Variants in SLC13A5 observed in about 807,000 individuals in gnomAD.
SLC13A5 encodes the protein solute carrier family 13 member 5.
A neutral mutation model predicts 56.5 loss-of-function variants in SLC13A5; 25 were observed. That is an observed-to-expected ratio of 0.44 (90% CI 0.32 to 0.62). SLC13A5 has a LOEUF of 0.62. Ranked by LOEUF, SLC13A5 falls within the 20% of genes least tolerant of loss-of-function variation. The pLI is 0.04. For synonymous variants in SLC13A5, 307 were observed against 301.5 expected (o/e 1.02, Z -0.19); for missense variants, 649 against 737.8 (o/e 0.88, Z 1.39).
intron 1 of SLC13A5, among the ~76,000 whole-genome samples, chr17:6,707,435 C>G (rs988668033): frequency 6.6e-6 from 1 of 151,846 alleles, no homozygotes; most frequent in Non-Finnish European, 1.5e-5. Flanking sequence ...TCTTCTCAAA[C>G]CTTGGATTAG....
rs74913999 is a variant in SLC13A5, at chr17:6,693,291, A to G, written c.1157-129T>C. 7.1e-4 allele frequency: 442 copies of G among 622,268 alleles called. 1 individual carries two copies. The African/African-American group carries it at 7.3e-3, about 10-fold the overall frequency. The allele number at this position is 622,268 out of a possible 1,614,324, so 38.5% of individuals were successfully genotyped here. On this transcript the variant is annotated intron_variant, in intron 8 of 11. Coordinates refer to ENST00000433363, the MANE Select transcript of SLC13A5 (RefSeq NM_177550.5). ...AGGGGGAATAAAGCTAATAAGGACA[A>G]TGAGGTACCATCTCCTACTTATAAA...
intron 6 of SLC13A5, among the ~76,000 whole-genome samples, chr17:6,698,845 C>T (rs547509282): frequency 1.3e-5 from 2 of 152,134 alleles, no homozygotes; most frequent in East Asian, 3.9e-4. Context: ...CAAGACCAGC[C>T]TGGCCAACAT....
At position 6,701,716 on chromosome 17, in the gene SLC13A5, A is replaced by G. The variant is rs1000451205; in HGVS notation, c.717-590T>C. On this transcript the variant is annotated intron_variant, in intron 5 of 11. Coordinates refer to ENST00000433363, the MANE Select transcript of SLC13A5 (RefSeq NM_177550.5). The surrounding 1 kb of genome is among the most constrained non-coding windows in gnomAD (Gnocchi z 4.1). ...CAGAGCGAGACTTGTCTCAAAAAGA[A>G]AAAAAAGAAAAATACACCTTTTATA... Among the ~76,000 whole-genome samples the G allele has an allele frequency of 6.6e-6, 1 of 152,212 alleles. No individual in the cohort carries two copies. The highest frequency in any genetic ancestry group is 1.5e-5 in the Non-Finnish European group (1 of 68,044).
intron 1 of SLC13A5, 100 bp from the exon 2 acceptor site, chr17:6,707,256 G>T: frequency 6.9e-7 from 1 of 1,449,410 alleles, no homozygotes. Context: ...AAGACACAGT[G>T]CTGATCTCAG....
At chr17:6,709,595 C>T (rs1475486698) in intron 1 of SLC13A5, among the ~76,000 whole-genome samples, 1 of 152,114 alleles carries the variant, frequency 6.6e-6, no homozygotes, top group Admixed American at 6.6e-5. Context: ...TTAAAGGAAT[C>T]AATAGCATTC....
At chr17:6,704,125 C>T (rs753010145) in intron 3 of SLC13A5, 69 bp from the exon 4 acceptor site, 2 of 1,521,544 alleles carry the variant, frequency 1.3e-6, no homozygotes, top group East Asian at 2.4e-5. Context: ...TGGGAAGCAA[C>T]TGGGGACTGG....
rs754804579 is a variant in SLC13A5, at chr17:6,693,046, C to T, written c.1273G>A (p.Glu425Lys). Reference protein sequence around the residue: ...GGGFALAKGSEASGLSVWMGK... With the variant: ...GGGFALAKGSKASGLSVWMGK... ...CAGCCTGTGGCTGGAGAAGTTACCTCGGATCCTTTAGCCAGAGCAAATCCG... is the reference window on the plus strand; with the variant it reads ...CAGCCTGTGGCTGGAGAAGTTACCTTGGATCCTTTAGCCAGAGCAAATCCG... Residue 425 changes from glutamate (E) to lysine (K), a missense_variant and splice_region_variant, in exon 9 of 12, where the codon GAG becomes AAG. Glu to Lys is a moderately conservative substitution (Grantham distance 56). Coordinates refer to ENST00000433363, the MANE Select transcript of SLC13A5 (RefSeq NM_177550.5). The T allele has an allele frequency of 3.4e-5, 55 of 1,613,704 alleles. No homozygotes were observed. Among genetic ancestry groups the T allele is most frequent in the East Asian group, 4.5e-5 (2 of 44,882 alleles).
rs181368087 is a variant in SLC13A5 at position 6,699,130 on chromosome 17, G to T, written c.839+1874C>A. On this transcript the variant is annotated intron_variant, in intron 6 of 11. Transcript: ENST00000433363. ...AAATAAAGAAAGGAAAAGAGCGCTCGAAATCATGTCTGGCACATGATGAGC... is the reference window on the plus strand; with the variant it reads ...AAATAAAGAAAGGAAAAGAGCGCTCTAAATCATGTCTGGCACATGATGAGC... 2.6e-5 allele frequency among the ~76,000 whole-genome samples: 4 copies of T among 151,828 alleles called. No individual in the cohort carries two copies. In the South Asian group the frequency reaches 8.4e-4, roughly 32 times the overall value.
chr17:6,701,325 C>T lies in SLC13A5; in HGVS notation c.717-199G>A, dbSNP rs1381774737. 6.6e-6 allele frequency among the ~76,000 whole-genome samples: 1 copy of T among 152,232 alleles called. No individual in the cohort carries two copies. The highest frequency in any genetic ancestry group is 1.5e-5 in the Non-Finnish European group (1 of 68,042). Reference sequence around the variant, plus strand: ...GGAGCCTCAGAACATGGCCACAGCACAAGACAAGGCCGAGAAATGACCCAC... The same window carrying T: ...GGAGCCTCAGAACATGGCCACAGCATAAGACAAGGCCGAGAAATGACCCAC... On this transcript the variant is annotated intron_variant, in intron 5 of 11. Coordinates refer to ENST00000433363, the MANE Select transcript of SLC13A5 (RefSeq NM_177550.5). The surrounding 1 kb of genome is among the most constrained non-coding windows in gnomAD (Gnocchi z 4.1).
chr17:6,701,141 C>T lies in SLC13A5; in HGVS notation c.717-15G>A, dbSNP rs746578989. On this transcript the variant is annotated splice_polypyrimidine_tract_variant and intron_variant, in intron 5 of 11. Transcript: ENST00000433363. The surrounding 1 kb of genome is among the most constrained non-coding windows in gnomAD (Gnocchi z 4.1). The stretch of plus-strand genomic sequence containing the variant: ...CAGGAAACAACCTACAAGAAGACAC[C>T]GGCCCCCACCTCAGATGCTGAGCTG... The T allele has an allele frequency of 1.2e-6, 2 of 1,612,958 alleles. No homozygotes were observed. Among genetic ancestry groups the T allele is most frequent in the Non-Finnish European group, 1.7e-6 (2 of 1,179,530 alleles).
rs1164489091 is a variant in SLC13A5 at position 6,703,909 on chromosome 17, C to T, written c.516G>A (p.Leu172=). The T allele has an allele frequency of 1.9e-6, 3 of 1,575,338 alleles. No individual in the cohort carries two copies. The highest frequency in any genetic ancestry group is 2.6e-6 in the Non-Finnish European group (3 of 1,158,548). The change falls in exon 4 of 12, where the codon CTG becomes CTA. Residue 172 remains leucine (L), a synonymous_variant. Transcript: ENST00000433363. ...GCTCCTTGGCCTTGCCCTTGTCCAC[C>T]AGCTCCAGGCCGGCCTCGGTGGCTG... ...TSAATEAGLE[L]VDKGKAKELP...
At position 6,703,822 on chromosome 17, in the gene SLC13A5, C is replaced by G. The variant is rs113672100; in HGVS notation, c.547+56G>C. The stretch of plus-strand genomic sequence containing the variant: ...AGGAGGTGGCCAAAGCATTTGCCAG[C>G]AGAGGGAGGGGAAGGCTGCTGTTGT... On this transcript the variant is annotated intron_variant, in intron 4 of 11. Transcript: ENST00000433363. 1.5e-4 allele frequency: 218 copies of G among 1,480,358 alleles called. No homozygotes were observed. The African/African-American group carries it at 2.1e-3, about 14-fold the overall frequency. 91.7% of individuals were successfully genotyped at this position (1,480,358 alleles called of 1,614,324 possible).
chr17:6,686,127 A>G lies in SLC13A5; in HGVS notation c.*80T>C. The stretch of plus-strand genomic sequence containing the variant: ...TGGGTCATTTTGGGGTGTGAACCCC[A>G]AAACTCTGTACAAGGTGTGCCAGAA... On this transcript the variant is annotated 3_prime_UTR_variant, in exon 12 of 12. Transcript: ENST00000433363. The G allele has an allele frequency of 6.3e-7, 1 of 1,589,856 alleles. No homozygotes were observed. The highest frequency in any genetic ancestry group is 8.6e-7 in the Non-Finnish European group (1 of 1,165,858).
At chr17:6,699,953 G>A (rs76187514) in intron 6 of SLC13A5, among the ~76,000 whole-genome samples, 4,314 of 152,236 alleles carry the variant, frequency 0.028, 238 homozygotes, top group Admixed American at 0.15. Context: ...TCCTCCTTCA[G>A]AAGAAAACTT....
intron 10 of SLC13A5, chr17:6,690,093 A>AAAC (rs1973364737): frequency 1.4e-5 from 2 of 141,452 alleles, no homozygotes; most frequent in South Asian, 2.3e-4. Context: ...AAAAAAAAAA[A>AAAC]AACCATAGCC....
chr17:6,701,786 C>G lies in SLC13A5; in HGVS notation c.717-660G>C, dbSNP rs182819586. Among the ~76,000 whole-genome samples the G allele has an allele frequency of 6.6e-6, 1 of 152,208 alleles. No homozygotes were observed. Among genetic ancestry groups the G allele is most frequent in the Non-Finnish European group, 1.5e-5 (1 of 68,038 alleles). On this transcript the variant is annotated intron_variant, in intron 5 of 11. Transcript: ENST00000433363. The surrounding 1 kb of genome is among the most constrained non-coding windows in gnomAD (Gnocchi z 4.1). ...TGACATCTTTGGGGATCTGCAGAGA[C>G]CTCAGCAATCTCGCTCTGTGGGTTT... is the stretch of plus-strand genomic sequence containing the variant.
chr17:6,705,143 C>T lies in SLC13A5; in HGVS notation c.369-1087G>A, dbSNP rs183685563. The T allele has an allele frequency of 4.0e-5, 6 of 151,820 alleles. No individual in the cohort carries two copies. In the East Asian group the frequency reaches 9.7e-4, roughly 25 times the overall value. The allele number at this position is 151,820 out of a possible 1,614,324, so 9.4% of individuals were successfully genotyped here. On this transcript the variant is annotated intron_variant, in intron 3 of 11. Coordinates refer to ENST00000433363, the MANE Select transcript of SLC13A5 (RefSeq NM_177550.5). The stretch of plus-strand genomic sequence containing the variant: ...CTGCACCAGGGCCCAAGCTGCTGTC[C>T]ACACAGGCAGACATTATGGACCCAA...
Position 6,706,731 on chromosome 17 carries a change from G to C in SLC13A5, c.279C>G (p.Gly93=), listed in dbSNP as rs1253377106. Residue 93 remains glycine, a synonymous_variant, in exon 3 of 12, where the codon GGC becomes GGG. Coordinates refer to ENST00000433363, the MANE Select transcript of SLC13A5 (RefSeq NM_177550.5). The part of the protein sequence containing the change: ...MKDTNMLFLG[G]LIVAVAVERW... ...GCTCCACAGCCACGGCCACGATGAG[G>C]CCGCCCAGGAACAGCATGTTGGTGT... is the stretch of plus-strand genomic sequence containing the variant. 4 of 1,614,088 alleles carry C rather than the reference G, an allele frequency of 2.5e-6. No homozygotes were observed. Among genetic ancestry groups the C allele is most frequent in the Non-Finnish European group, 3.4e-6 (4 of 1,180,006 alleles).
chr17:6,695,611 G>A (rs868818036), intron 7 of SLC13A5, 115 bp downstream of exon 7: 5 of 966,734 alleles, frequency 5.2e-6, no homozygotes, highest in Middle Eastern at 4.6e-4. Flanking sequence ...GGATGGTCTC[G>A]ATCTCCTGAC....
Sources: allele counts gnomAD v4.1 joint callset (sites outside exome capture counted in the v4.1 genomes callset), GRCh38; gene constraint gnomAD v4.1.1; non-coding constraint Gnocchi (gnomAD v3.1); transcripts MANE v1.5; gene names NCBI Gene and HGNC (gene_info 2026-07-23, HGNC 2026-07-21).